IGSF22: variants seen among roughly 807,000 people sequenced by gnomAD.
IGSF22 encodes the protein immunoglobulin superfamily member 22, also known as immunoglobulin superfamily, member 22.
In IGSF22, 119 loss-of-function variants were observed where a neutral mutation model predicts 127.0. The observed-to-expected ratio is 0.94, with a 90% CI of 0.81 to 1.09. The LOEUF (loss-of-function observed/expected upper bound fraction) is 1.09. IGSF22 is among the 50% of genes least tolerant of loss of function. IGSF22 has a pLI of 0.00. For missense variants in IGSF22, 1,518 were observed against 1,716.6 expected (o/e 0.88, Z 2.04); for synonymous variants, 568 against 664.7 (o/e 0.85, Z 2.24).
rs1848422399 is a variant in IGSF22 at position 18,714,491 on chromosome 11, G to C, written c.1656+9C>G. ...TCCTTCACCCCCTTCCCTGGCCTCT[G>C]CTTCAGACCTCCTTGCCATCCTTCA... On this transcript the variant is annotated intron_variant, in intron 12 of 22. Transcript: ENST00000513874. 1 of 1,614,190 alleles carries C rather than the reference G, an allele frequency of 6.2e-7. No homozygotes were observed. Among genetic ancestry groups the C allele is most frequent in the Non-Finnish European group, 8.5e-7 (1 of 1,180,038 alleles).
chr11:18,706,544 G>T, intron 21 of IGSF22: 1 of 355,362 alleles, frequency 2.8e-6, no homozygotes, highest in Non-Finnish European at 5.1e-6. Context: ...TCCCGACGCG[G>T]CCCCCACCCT....
rs535362448 is a variant in IGSF22, at chr11:18,711,682, G to A, written c.2398+400C>T. 2.4e-4 allele frequency among the ~76,000 whole-genome samples: 36 copies of A among 152,302 alleles called. No individual in the cohort carries two copies. In the South Asian group the frequency reaches 7.0e-3, roughly 30 times the overall value. ...CAAAGTGCTAGGATTACAGGTGTGCGCCACTGTGCCCAGCCTGCAATTATA... is the reference window on the plus strand; with the variant it reads ...CAAAGTGCTAGGATTACAGGTGTGCACCACTGTGCCCAGCCTGCAATTATA... On this transcript the variant is annotated intron_variant, in intron 15 of 22. Transcript: ENST00000513874.
At chr11:18,715,127 C>T (rs750353640) in intron 11 of IGSF22, among the ~76,000 whole-genome samples, 12 of 151,716 alleles carry the variant, frequency 7.9e-5, no homozygotes, top group East Asian at 1.9e-4. Flanking sequence ...GGGATCAAGA[C>T]GTCTGGGATA....
At chr11:18,706,606 T>C (rs1848239765) in intron 21 of IGSF22, 2 of 346,944 alleles carry the variant, frequency 5.8e-6, no homozygotes, top group East Asian at 1.0e-4. Flanking sequence ...CCTAGAGCCC[T>C]CCCCTGTTCT....
Position 18,710,704 on chromosome 11 carries a change from C to T in IGSF22, c.2523G>A (p.Arg841=), listed in dbSNP as rs758465560. ...APVLGYIVER[R]KKGSNLWVPV... ...GCACCCACAGGTTGCTGCCTTTCTT[C>T]CTTCGTTCTACAATGTAGCCGAGCA... The change falls in exon 16 of 23, where the codon AGG becomes AGA. Residue 841 remains arginine, a synonymous_variant. Coordinates refer to ENST00000513874, the MANE Select transcript of IGSF22 (RefSeq NM_173588.4). 6.2e-7 allele frequency: 1 copy of T among 1,614,068 alleles called. No homozygotes were observed. The highest frequency in any genetic ancestry group is 1.7e-5 in the Admixed American group (1 of 60,036).
intron 14 of IGSF22, among the ~76,000 whole-genome samples, chr11:18,712,661 T>A (rs1008597644): frequency 1.3e-5 from 2 of 152,188 alleles, no homozygotes; most frequent in Non-Finnish European, 1.5e-5. Flanking sequence ...TCCAAACAAG[T>A]TCTCCCCCTC....
rs537141756 is a variant in IGSF22, at chr11:18,718,461, G to C, written c.810+154C>G. Among the ~76,000 whole-genome samples the C allele has an allele frequency of 2.0e-5, 3 of 152,326 alleles. No individual in the cohort carries two copies. In the East Asian group the frequency reaches 5.8e-4, roughly 29 times the overall value. ...CATCACACAACAAAGGGGTGAAACA[G>C]TTAAGAGTAGAGCCCAATTCCAGCC... On this transcript the variant is annotated intron_variant, in intron 8 of 22. Transcript: ENST00000513874.
chr11:18,706,961 CTG>C lies in IGSF22; in HGVS notation c.3531_3532del (p.Asp1177GlufsTer2), dbSNP rs1425584462. The C allele has an allele frequency of 3.9e-6, 6 of 1,537,260 alleles. No individual in the cohort carries two copies. The highest frequency in any genetic ancestry group is 5.3e-6 in the Non-Finnish European group (6 of 1,139,030). On this transcript the variant is annotated frameshift_variant, in exon 21 of 23. Coordinates refer to ENST00000513874, the MANE Select transcript of IGSF22 (RefSeq NM_173588.4). LOFTEE classifies it high-confidence loss of function. Reference sequence around the variant, plus strand: ...GGTGTCCCTGGAGTCAAGTGGCTCACTGTCACCGATTTCATTCCGAGCCACCA... The same window carrying C: ...GGTGTCCCTGGAGTCAAGTGGCTCACTCACCGATTTCATTCCGAGCCACCA...
rs762442674 is a variant in IGSF22 at position 18,721,916 on chromosome 11, G to C, written c.235C>G (p.Pro79Ala). 1.2e-6 allele frequency: 2 copies of C among 1,613,020 alleles called. No individual in the cohort carries two copies. The change falls in exon 3 of 23, where the codon CCC becomes GCC. Residue 79 changes from proline to alanine, a missense_variant. Physicochemically the swap from Pro to Ala is conservative, Grantham distance 27 (BLOSUM62 -1). Around this residue, in one of 3 missense-constraint regions of IGSF22, gnomAD observed 1,456 missense variants for 1,644.9 expected, o/e 0.89. Transcript: ENST00000513874. ...GCCACAGGCAGCAACACACCCTCGGGCGCGGTGACCGGTTGAGGCTTCTCC... is the reference window on the plus strand; with the variant it reads ...GCCACAGGCAGCAACACACCCTCGGCCGCGGTGACCGGTTGAGGCTTCTCC... ...FVEKPQPVTA[P>A]EGDKAVFRAR...
At position 18,709,405 on chromosome 11, in the gene IGSF22, G is replaced by A. The variant is rs769028200; in HGVS notation, c.2980C>T (p.Arg994Cys). 6.1e-5 allele frequency: 98 copies of A among 1,613,742 alleles called. 1 individual carries two copies. The South Asian group carries it at 7.1e-4, about 12-fold the overall frequency. Residue 994 changes from arginine (R) to cysteine (C), a missense_variant, in exon 18 of 23, where the codon CGT becomes TGT. Physicochemically the swap from Arg to Cys is radical, Grantham distance 180. This residue lies in a region of IGSF22 where 1,456 missense variants were observed against 1,644.9 expected (regional missense o/e 0.89). Transcript: ENST00000513874. This position sits in a 1 kb window ranked among gnomAD's most constrained non-coding sequence, Gnocchi z 4.8. The part of the protein sequence containing the change: ...GEPVELDKGV[R>C]AMPPPAAPKF... ...TCCTCACCTGGTGGTGGCATGGCAC[G>A]GACCCCCTTGTCTAGCTCCACAGGC...
Position 18,716,944 on chromosome 11 carries a change from T to C in IGSF22, c.1030A>G (p.Thr344Ala). 6.2e-7 allele frequency: 1 copy of C among 1,614,206 alleles called. No individual in the cohort carries two copies. The highest frequency in any genetic ancestry group is 1.1e-5 in the South Asian group (1 of 91,078). The part of the protein sequence containing the change: ...MKPVKVTERQ[T>A]AVFEIRLSKK... ...GAGAGGCGGATCTCAAACACAGCTG[T>C]CTGGCGCTCTGTCACCTTCACAGGC... Residue 344 changes from threonine (T) to alanine (A), a missense_variant, in exon 10 of 23, where the codon ACA becomes GCA. Coordinates refer to ENST00000513874, the MANE Select transcript of IGSF22 (RefSeq NM_173588.4). The surrounding 1 kb of genome is among the most constrained non-coding windows in gnomAD (Gnocchi z 4.5).
chr11:18,718,234 C>T, intron 8 of IGSF22, 141 bp from the exon 9 acceptor site: 2 of 766,894 alleles, frequency 2.6e-6, no homozygotes, highest in Non-Finnish European at 4.1e-6. Flanking sequence ...TCTCTATAGC[C>T]TCATCATCTG....
At chr11:18,710,865 G>A (rs773603844) in intron 15 of IGSF22, 37 bp from the exon 16 acceptor site, 1 of 1,576,480 alleles carries the variant, frequency 6.3e-7, no homozygotes, top group Non-Finnish European at 8.7e-7. Flanking sequence ...GTTAGGAGGG[G>A]GAGCATGTAG....
intron 8 of IGSF22, 49 bp downstream of exon 8, chr11:18,718,566 A>T (rs766037947): frequency 1.0e-6 from 1 of 978,676 alleles, no homozygotes; most frequent in East Asian, 2.4e-5. Flanking sequence ...AGAAGGGGGT[A>T]GAGAGGAAGA....
Position 18,714,131 on chromosome 11 carries a change from G to A in IGSF22, c.1816C>T (p.Pro606Ser). 6.2e-7 allele frequency: 1 copy of A among 1,612,364 alleles called. No homozygotes were observed. Among genetic ancestry groups the A allele is most frequent in the African/African-American group, 1.3e-5 (1 of 75,038 alleles). ...GCAGCCAGTGCCTCCAGTACTGACG[G>A]GTCGATGGTAGGAGGATCTGTGGGG... ...VFIADPPTID[P>S]SVLEALAAHA... Residue 606 changes from proline (P) to serine (S), a missense_variant, in exon 14 of 23, where the codon CCG (proline) becomes TCG (serine). Transcript: ENST00000513874.
At chr11:18,705,112 A>C (rs986679240) in intron 22 of IGSF22, among the ~76,000 whole-genome samples, 1 of 147,176 alleles carries the variant, frequency 6.8e-6, no homozygotes, top group Non-Finnish European at 1.5e-5. Context: ...ATGGAGTGTC[A>C]TGGAAGGTTC....
intron 9 of IGSF22, 22 bp downstream of exon 9, chr11:18,717,909 C>T (rs558198421): frequency 1.9e-6 from 3 of 1,608,480 alleles, no homozygotes; most frequent in South Asian, 2.2e-5. Context: ...CTCCTTGTGC[C>T]CTTGCATGCC....
rs1044074314 is a variant in IGSF22, at chr11:18,707,135, G to C, written c.3359C>G (p.Pro1120Arg). ...AGCCTCACCGTCCTCCTGCACATCT[G>C]GGCTGTGGTTCCAGGTCAGAGTCAC... Reference protein sequence around the residue: ...NTVTLTWNHSPDVQEDGEAHY... With the variant: ...NTVTLTWNHSRDVQEDGEAHY... The change falls in exon 21 of 23, where the codon CCA becomes CGA. Residue 1120 changes from proline to arginine, a missense_variant. By Grantham distance (103) the Pro-to-Arg change is moderately radical. This residue lies in a region of IGSF22 where 1,456 missense variants were observed against 1,644.9 expected (regional missense o/e 0.89). Transcript: ENST00000513874. 1.4e-5 allele frequency: 22 copies of C among 1,551,512 alleles called. No homozygotes were observed. In the East Asian group the frequency reaches 5.4e-4, roughly 38 times the overall value.
intron 14 of IGSF22, among the ~76,000 whole-genome samples, chr11:18,713,640 G>T (rs918982039): frequency 3.3e-5 from 5 of 152,252 alleles, no homozygotes; most frequent in Admixed American, 2.0e-4. Flanking sequence ...CCCTGTTCCA[G>T]GTAAGAAGCT....
Sources: allele counts gnomAD v4.1 joint callset (sites outside exome capture counted in the v4.1 genomes callset), GRCh38; gene constraint gnomAD v4.1.1; regional missense constraint gnomAD v4.1.1; non-coding constraint Gnocchi (gnomAD v3.1); transcripts MANE v1.5; gene names NCBI Gene and HGNC (gene_info 2026-07-23, HGNC 2026-07-21).